The following PRKX variants were observed in gnomAD, a reference collection of about 807,000 sequenced individuals.
PRKX encodes cAMP-dependent protein kinase catalytic subunit PRKX.
In PRKX, 12 loss-of-function variants were observed where a neutral mutation model predicts 22.0. The observed-to-expected ratio is 0.54, with a 90% CI of 0.35 to 0.88. The LOEUF (loss-of-function observed/expected upper bound fraction) is 0.88, where lower values mean the gene tolerates loss of function less well. Among genes scored for constraint, PRKX ranks in the 40% least tolerant of loss-of-function variants. The pLI is 0.01. For missense variants in PRKX, 217 were observed against 308.0 expected (o/e 0.70, Z 2.21); for synonymous variants, 134 against 137.7 (o/e 0.97, Z 0.19).
At chrX:3,629,827 G>T (rs1926733397) in intron 4 of PRKX, among the ~76,000 whole-genome samples, 1 of 111,095 alleles carries the variant, frequency 9.0e-6, no homozygotes, top group Non-Finnish European at 1.9e-5. Flanking sequence ...CTAATTTTTT[G>T]ACTTTCTATA....
intron 2 of PRKX, among the ~76,000 whole-genome samples, chrX:3,667,000 T>C (rs776143541): frequency 2.7e-4 from 29 of 108,983 alleles, no homozygotes; most frequent in Non-Finnish European, 4.6e-4. Flanking sequence ...TTTTAAAGAA[T>C]GTTTTCCAGC....
In PRKX at chrX:3,698,967, C is replaced by CTT. The variant is rs111433967; in HGVS notation, c.166+14119_166+14120dup. Among the ~76,000 whole-genome samples the CTT allele has an allele frequency of 6.7e-3, 606 of 91,077 alleles. 5 individuals carry two copies. Among genetic ancestry groups the CTT allele is most frequent in the African/African-American group, 0.024 (586 of 24,123 alleles). 79.1% of individuals were successfully genotyped at this position (91,077 alleles called of 115,157 possible). On this transcript the variant is annotated intron_variant, in intron 1 of 8. Transcript: ENST00000262848. ...CCACCATCCCACAACTTCCAAAATT[C>CTT]TTTTTTTTTTTTTTTTGAGATGGAG...
At chrX:3,689,793 C>A (rs753294178) in intron 1 of PRKX, among the ~76,000 whole-genome samples, 6 of 111,361 alleles carry the variant, frequency 5.4e-5, no homozygotes, top group Non-Finnish European at 9.4e-5. Context: ...CTGGCTAACA[C>A]GGTGAAACCC....
intron 2 of PRKX, among the ~76,000 whole-genome samples, chrX:3,670,499 G>A (rs1469338006): frequency 1.8e-5 from 2 of 112,055 alleles, no homozygotes; most frequent in Non-Finnish European, 3.8e-5. Context: ...AAGTCACTAA[G>A]GCGGTCTCAT....
rs770913495 is a variant in PRKX, at chrX:3,621,206, C to A, written c.873+53G>T. ...TGCACATGCCAATGTGGGTGTTAGA[C>A]GGCAGACACGCACATCGGGTACCAC... On this transcript the variant is annotated intron_variant, in intron 6 of 8. Coordinates refer to ENST00000262848, the MANE Select transcript of PRKX (RefSeq NM_005044.5). 1.3e-5 allele frequency: 14 copies of A among 1,089,016 alleles called. 1 individual carries two copies. In the South Asian group the frequency reaches 2.5e-4, roughly 19 times the overall value. 89.7% of individuals were successfully genotyped at this position (1,089,016 alleles called of 1,213,427 possible). A position where few individuals can be genotyped will look rare whatever the true frequency, so the allele number is the denominator to read the frequency against.
At chrX:3,627,784 A>G (rs1180401569) in intron 4 of PRKX, among the ~76,000 whole-genome samples, 1 of 111,264 alleles carries the variant, frequency 9.0e-6, no homozygotes, top group African/African-American at 3.3e-5. Context: ...CTCTTACGCA[A>G]TGTTGGTGGG....
rs1476334704 is a variant in PRKX, at chrX:3,674,612, C to T, written c.321G>A (p.Pro107=). ...AGGGGACTCACAGCCTGATGAGGAA[C>T]GGGTGGCTGACTTCCTTCAGGACAG... ...EKSVLKEVSH[P]FLIRLFWTWH... The change falls in exon 2 of 9, where the codon CCG becomes CCA. Residue 107 remains proline, a synonymous_variant. Coordinates refer to ENST00000262848, the MANE Select transcript of PRKX (RefSeq NM_005044.5). 10 of 1,209,451 alleles carry T rather than the reference C, an allele frequency of 8.3e-6. No homozygotes were observed. Among genetic ancestry groups the T allele is most frequent in the African/African-American group, 3.5e-5 (2 of 57,050 alleles).
intron 1 of PRKX, among the ~76,000 whole-genome samples, chrX:3,711,643 C>G (rs1231310982): frequency 1.8e-5 from 2 of 111,677 alleles, no homozygotes; most frequent in Non-Finnish European, 3.8e-5. Context: ...GGCGGCTGCG[C>G]CAGTCAGGGT....
At chrX:3,637,132 GAAGGA>G (rs980420728) in intron 4 of PRKX, among the ~76,000 whole-genome samples, 2 of 106,896 alleles carry the variant, frequency 1.9e-5, no homozygotes, top group African/African-American at 3.4e-5. Flanking sequence ...AAAGGAAAGG[GAAGGA>G]AAGGAAAGGG....
chrX:3,677,228 G>A (rs1927978112), intron 1 of PRKX, among the ~76,000 whole-genome samples: 1 of 110,604 alleles, frequency 9.0e-6, no homozygotes, highest in Admixed American at 9.7e-5. Context: ...ATACTGAACT[G>A]ATAAATGAAA....
intron 3 of PRKX, among the ~76,000 whole-genome samples, chrX:3,646,233 A>C (rs899396352): frequency 4.5e-5 from 5 of 111,256 alleles, no homozygotes; most frequent in African/African-American, 1.6e-4. Context: ...CAGAGGTTGC[A>C]GTGAGCCGAG....
At chrX:3,697,990 A>G (rs1026994638) in intron 1 of PRKX, among the ~76,000 whole-genome samples, 2 of 111,466 alleles carry the variant, frequency 1.8e-5, no homozygotes, top group African/African-American at 6.5e-5. Context: ...ACCCAGGGGC[A>G]CTCTCTGTTC....
intron 3 of PRKX, among the ~76,000 whole-genome samples, chrX:3,650,699 T>C (rs1927309647): frequency 9.4e-6 from 1 of 106,721 alleles, no homozygotes; most frequent in Middle Eastern, 4.4e-3. Flanking sequence ...GGCAACATGG[T>C]GAAACCAGGT....
At chrX:3,689,794 G>A (rs77593553) in intron 1 of PRKX, among the ~76,000 whole-genome samples, 14,565 of 111,018 alleles carry the variant, frequency 0.13, 932 homozygotes, top group Non-Finnish European at 0.19. Flanking sequence ...TGGCTAACAC[G>A]GTGAAACCCT....
At chrX:3,687,462 G>T in intron 1 of PRKX, among the ~76,000 whole-genome samples, 1 of 111,846 alleles carries the variant, frequency 8.9e-6, no homozygotes. Context: ...TAGATGTTTT[G>T]AGGATTATAC....
intron 8 of PRKX, chrX:3,611,213 C>T (rs954696426): frequency 8.9e-6 from 1 of 112,090 alleles, no homozygotes; most frequent in Non-Finnish European, 1.9e-5. Flanking sequence ...ATGGAGGGCT[C>T]TCATTCACCA....
At chrX:3,668,337 G>A (rs1927777604) in intron 2 of PRKX, 1 of 110,961 alleles carries the variant, frequency 9.0e-6, no homozygotes, top group East Asian at 2.8e-4. Flanking sequence ...TGATGACAGA[G>A]CAAGAAGCGC....
intron 1 of PRKX, among the ~76,000 whole-genome samples, chrX:3,708,331 C>G (rs1420014093): frequency 9.0e-6 from 1 of 110,669 alleles, no homozygotes; most frequent in African/African-American, 3.3e-5. Context: ...TATAAGCCAC[C>G]CAGTCGGTGG....
intron 3 of PRKX, among the ~76,000 whole-genome samples, chrX:3,647,216 A>T (rs1927206627): frequency 9.2e-6 from 1 of 108,153 alleles, no homozygotes. Context: ...AAATAAATAT[A>T]TATTTATAAA....
Sources: gnomAD v4.1 joint callset for allele counts (sites outside exome capture counted in the v4.1 genomes callset) on GRCh38, gnomAD v4.1.1 for gene constraint, MANE v1.5 for transcripts, NCBI Gene and HGNC (gene_info 2026-07-23, HGNC 2026-07-21) for gene names.